The following ZNF514 variants were observed in gnomAD, a reference collection of about 807,000 sequenced individuals.
ZNF514 encodes zinc finger protein 514.
Under a neutral mutation model 9.7 loss-of-function variants are expected in ZNF514, and 12 were observed. That is an observed-to-expected ratio of 1.24 (90% CI 0.79 to 2.01). The LOEUF is 2.01. Ranked by LOEUF, ZNF514 falls within the 30% of genes most tolerant of loss-of-function variation. The pLI, the probability that ZNF514 is intolerant of heterozygous loss-of-function variation, is 0.00. For missense variants in ZNF514, 467 were observed against 465.5 expected (o/e 1.00, Z -0.03); for synonymous variants, 158 against 163.7 (o/e 0.97, Z 0.27).
the ZNF514 span, among the ~76,000 whole-genome samples, chr2:95,130,003 GT>G: frequency 6.6e-6 from 1 of 152,090 alleles, no homozygotes; most frequent in African/African-American, 2.4e-5. Context: ...AGAATATGTG[GT>G]TTTGGAGGAG....
rs1297214939 is a variant in ZNF514 at position 95,151,597 on chromosome 2, C to A, written c.217+1077G>T. On this transcript the variant is annotated intron_variant, in intron 4 of 4. Transcript: ENST00000295208. ...TTAAAGCCACCAAGTTTGTGCTACT[C>A]TGTTTCAGCCACAGTGGAAAATTAA... Among the ~76,000 whole-genome samples the A allele has an allele frequency of 5.3e-5, 8 of 152,212 alleles. No homozygotes were observed. The East Asian group carries it at 1.3e-3, about 26-fold the overall frequency.
chr2:95,155,629 T>C (rs1673668762), intron 2 of ZNF514: 2 of 152,376 alleles, frequency 1.3e-5, no homozygotes, highest in South Asian at 2.1e-4. Context: ...GGAGGGCATT[T>C]TGTGTGCAGG....
chr2:95,129,869 T>C, the ZNF514 span, among the ~76,000 whole-genome samples: 1 of 152,052 alleles, frequency 6.6e-6, no homozygotes, highest in Admixed American at 6.5e-5. Flanking sequence ...TTAAGAACAG[T>C]GATTTTGTTG....
chr2:95,133,429 G>C, the ZNF514 span, among the ~76,000 whole-genome samples: 1 of 152,202 alleles, frequency 6.6e-6, no homozygotes, highest in Non-Finnish European at 1.5e-5. Context: ...CAGAAATGGA[G>C]ACCAGATGAG....
chr2:95,132,497 C>T, the ZNF514 span, among the ~76,000 whole-genome samples: 3 of 152,216 alleles, frequency 2.0e-5, no homozygotes, highest in East Asian at 1.9e-4. Context: ...ATGTGAGAAA[C>T]GGGATCACTC....
chr2:95,153,442 G>A, intron 2 of ZNF514, 183 bp from the exon 3 acceptor site: 6 of 466,088 alleles, frequency 1.3e-5, no homozygotes, highest in Non-Finnish European at 1.4e-5. Context: ...CATTTAATTG[G>A]AATCAATTAG....
chr2:95,141,170 C>T (rs967737875), downstream of ZNF514, among the ~76,000 whole-genome samples: 25 of 151,932 alleles, frequency 1.6e-4, no homozygotes, highest in South Asian at 2.1e-4. Context: ...CCACCTGTTC[C>T]CCAAAAACCC....
chr2:95,157,134 T>C (rs541434929), intron 2 of ZNF514, among the ~76,000 whole-genome samples: 2 of 152,232 alleles, frequency 1.3e-5, no homozygotes, highest in South Asian at 2.1e-4. Flanking sequence ...TCTAGAAATA[T>C]GTCAGAGTAA....
At position 95,146,622 on chromosome 2, in the gene ZNF514, G is replaced by A. The variant is rs1673367356; in HGVS notation, c.*2660C>T. Among the ~76,000 whole-genome samples, 1 of 150,460 alleles carries A rather than the reference G, an allele frequency of 6.6e-6. No homozygotes were observed. The stretch of plus-strand genomic sequence containing the variant: ...GGGCATTATATACCACACACGGGGG[G>A]TGAGGATTTATCTTGTAGGCCGTGC... On this transcript the variant is annotated 3_prime_UTR_variant, in exon 5 of 5. Transcript: ENST00000295208.
In ZNF514 at chr2:95,149,164, G is replaced by A. The variant is rs907775553; in HGVS notation, c.*118C>T. The A allele has an allele frequency of 1.2e-5, 15 of 1,267,680 alleles. No homozygotes were observed. In the Admixed American group the frequency reaches 1.5e-4, roughly 12 times the overall value. The allele number at this position is 1,267,680 out of a possible 1,614,324, so 78.5% of individuals were successfully genotyped here. ...CTCTTTAGTAATTATTGCCTGATGT[G>A]GAACAAGATGTGGTCTTCCCACATA... On this transcript the variant is annotated 3_prime_UTR_variant, in exon 5 of 5. Transcript: ENST00000295208.
chr2:95,158,275 G>T (rs1353465787), intron 1 of ZNF514, among the ~76,000 whole-genome samples: 1 of 152,132 alleles, frequency 6.6e-6, no homozygotes, highest in Non-Finnish European at 1.5e-5. Flanking sequence ...GATTAACAAG[G>T]GTATAAAGGA....
Position 95,153,018 on chromosome 2 carries a change from C to T in ZNF514, c.121+115G>A, listed in dbSNP as rs1391869120. 1.2e-5 allele frequency: 16 copies of T among 1,379,372 alleles called. No homozygotes were observed. The Admixed American group carries it at 3.5e-4, about 30-fold the overall frequency. The allele number at this position is 1,379,372 out of a possible 1,614,324, so 85.4% of individuals were successfully genotyped here. A position where few individuals can be genotyped will look rare whatever the true frequency, so the allele number is the denominator to read the frequency against. On this transcript the variant is annotated intron_variant, in intron 3 of 4. Coordinates refer to ENST00000295208, the MANE Select transcript of ZNF514 (RefSeq NM_032788.3). ...GAGAATGTAAATGTCTGATTCCAGA[C>T]TTCCCAAGGAAACCCAGGGCCAAAC...
chr2:95,148,674 GT>G lies in ZNF514; in HGVS notation c.*607del, dbSNP rs1328214944. ...CAGCTAGTAGGGAGAGTTCTAAGGG[GT>G]TTATAAAGCAATGAGGTTTGGCTGA... is the stretch of plus-strand genomic sequence containing the variant. On this transcript the variant is annotated 3_prime_UTR_variant, in exon 5 of 5. Transcript: ENST00000295208. 1 of 152,846 alleles carries G rather than the reference GT, an allele frequency of 6.5e-6. No homozygotes were observed. Among genetic ancestry groups the G allele is most frequent in the Non-Finnish European group, 1.5e-5 (1 of 68,574 alleles). 9.5% of individuals were successfully genotyped at this position (152,846 alleles called of 1,614,324 possible). A position where few individuals can be genotyped will look rare whatever the true frequency, so the allele number is the denominator to read the frequency against.
Position 95,149,282 on chromosome 2 carries a change from T to C in ZNF514, c.1203A>G (p.Ter401=). 1 of 1,565,194 alleles carries C rather than the reference T, an allele frequency of 6.4e-7. No individual in the cohort carries two copies. ...QRSHAGKKTL[*] ...GAAAGCCCTTCTATATTCACTGAAT[T>C]TATAGGGTTTTTTTTCCAGCATGAC... Residue 401 remains the stop codon, a stop_retained_variant, in exon 5 of 5, where the codon TAA becomes TAG. Coordinates refer to ENST00000295208, the MANE Select transcript of ZNF514 (RefSeq NM_032788.3).
At chr2:95,150,306 A>G (rs1291418189) in intron 4 of ZNF514, 39 bp from the exon 5 acceptor site, 8 of 1,503,884 alleles carry the variant, frequency 5.3e-6, no homozygotes, top group Non-Finnish European at 7.0e-6. Context: ...ACATTCTAGT[A>G]TGTAGAATGT....
chr2:95,125,122 G>A, the ZNF514 span, among the ~76,000 whole-genome samples: 10 of 148,876 alleles, frequency 6.7e-5, no homozygotes, highest in East Asian at 2.0e-4. Context: ...CAAGCGATCC[G>A]CCCACCTCAG....
the ZNF514 span, among the ~76,000 whole-genome samples, chr2:95,135,340 C>A: frequency 1.3e-5 from 2 of 151,274 alleles, no homozygotes; most frequent in Non-Finnish European, 2.9e-5. Context: ...GTATTTTATA[C>A]TTTTTGATGC....
At chr2:95,138,306 C>T in the ZNF514 span, among the ~76,000 whole-genome samples, 19 of 152,210 alleles carry the variant, frequency 1.2e-4, no homozygotes, top group Middle Eastern at 6.8e-3. Flanking sequence ...CAGAGGCAGA[C>T]AAGATGATGA....
Position 95,149,440 on chromosome 2 carries a change from ATT to A in ZNF514, c.1043_1044del (p.Lys348MetfsTer27). 1.2e-6 allele frequency: 2 copies of A among 1,614,064 alleles called. No homozygotes were observed. Among genetic ancestry groups the A allele is most frequent in the Non-Finnish European group, 1.7e-6 (2 of 1,179,994 alleles). On this transcript the variant is annotated frameshift_variant, in exon 5 of 5. Coordinates refer to ENST00000295208, the MANE Select transcript of ZNF514 (RefSeq NM_032788.3). LOFTEE classifies it low-confidence loss of function (END_TRUNC). ...GAACTCTGGCTGAAGGCTCTCCCAC[ATT>A]TATTACATTTGTAAGGTTTCTCTCC... is the stretch of plus-strand genomic sequence containing the variant. The part of the protein sequence containing the change: ...HTGEKPYKCN[K>X]CGRAFSQSSS...
Sources: gnomAD v4.1 joint callset for allele counts (sites outside exome capture counted in the v4.1 genomes callset) on GRCh38, gnomAD v4.1.1 for gene constraint, MANE v1.5 for transcripts, NCBI Gene and HGNC (gene_info 2026-07-23, HGNC 2026-07-21) for gene names.